FAM83B: variants seen among roughly 807,000 people sequenced by gnomAD.
The protein encoded by FAM83B is scaffolding CK1 anchoring protein B.
In FAM83B, 26 loss-of-function variants were observed where a neutral mutation model predicts 38.8. That is an observed-to-expected ratio of 0.67 (90% CI 0.49 to 0.93). The LOEUF is 0.93. Among genes scored for constraint, FAM83B ranks in the 40% least tolerant of loss-of-function variants. The pLI is 0.00. For missense variants in FAM83B, 1,237 were observed against 1,197.3 expected, an observed-to-expected ratio of 1.03 and a Z score of -0.49; for synonymous variants, 419 against 423.1, an observed-to-expected ratio of 0.99 and a Z score of 0.12.
Position 54,870,576 on chromosome 6 carries a change from T to C in FAM83B, c.330T>C (p.Tyr110=), listed in dbSNP as rs1481219514. The change falls in exon 2 of 5, where the codon TAT becomes TAC. Residue 110 remains tyrosine (Y), a synonymous_variant. Transcript: ENST00000306858. Reference sequence around the variant, plus strand: ...CAAATCTTGACTTAGGCTGGCCATATGTGATGCCCGGACTCTTAGGGGGCA... The same window carrying C: ...CAAATCTTGACTTAGGCTGGCCATACGTGATGCCCGGACTCTTAGGGGGCA... The part of the protein sequence containing the change: ...EAPNLDLGWP[Y]VMPGLLGGTH... The C allele has an allele frequency of 6.8e-6, 11 of 1,614,092 alleles. No individual in the cohort carries two copies. The highest frequency in any genetic ancestry group is 1.7e-5 in the Admixed American group (1 of 60,002).
chr6:54,933,990 C>T (rs1312737036), intron 4 of FAM83B, among the ~76,000 whole-genome samples: 3 of 152,122 alleles, frequency 2.0e-5, no homozygotes, highest in Non-Finnish European at 2.9e-5. Context: ...CCAAACATCA[C>T]AGGTTTTTCA....
intron 1 of FAM83B, among the ~76,000 whole-genome samples, chr6:54,851,621 C>T (rs1355610853): frequency 2.7e-5 from 4 of 149,078 alleles, no homozygotes; most frequent in South Asian, 2.1e-4. Context: ...TACAGGCAGG[C>T]GCTACCATGC....
chr6:54,851,698 A>G, intron 1 of FAM83B, among the ~76,000 whole-genome samples: 1 of 119,680 alleles, frequency 8.4e-6, no homozygotes. Context: ...CCCAGGCTGG[A>G]GTGCAGTGGC....
intron 2 of FAM83B, among the ~76,000 whole-genome samples, chr6:54,909,261 A>G (rs1391000664): frequency 3.9e-5 from 6 of 152,182 alleles, no homozygotes; most frequent in Non-Finnish European, 2.9e-5. Context: ...GTGTTCATGC[A>G]TAAAATATTA....
chr6:54,866,137 A>G (rs1258411797), intron 1 of FAM83B, among the ~76,000 whole-genome samples: 2 of 151,456 alleles, frequency 1.3e-5, no homozygotes, highest in Non-Finnish European at 2.9e-5. Context: ...ATAGTAATTG[A>G]TGAAGCAGAG....
intron 2 of FAM83B, among the ~76,000 whole-genome samples, chr6:54,914,201 T>C (rs565648456): frequency 9.9e-5 from 15 of 152,282 alleles, no homozygotes; most frequent in Non-Finnish European, 2.2e-4. Context: ...AATGGGTGTG[T>C]TCCTGTGAAC....
At chr6:54,846,718 A>T (rs1350777731), upstream of FAM83B, 1 of 152,170 alleles carries the variant, frequency 6.6e-6, no homozygotes, top group East Asian at 1.9e-4. Flanking sequence ...CTGGGCAGGT[A>T]ACTCCCCTCC....
At chr6:54,846,487 G>C (rs1771135319), upstream of FAM83B, among the ~76,000 whole-genome samples, 1 of 152,218 alleles carries the variant, frequency 6.6e-6, no homozygotes, top group Non-Finnish European at 1.5e-5. Context: ...CCGTAGCCCC[G>C]AGGGCGGGCA....
chr6:54,892,755 A>G (rs142725899), intron 2 of FAM83B, among the ~76,000 whole-genome samples: 3 of 151,380 alleles, frequency 2.0e-5, no homozygotes, highest in African/African-American at 7.3e-5. Flanking sequence ...TAAATGTTAC[A>G]TGTGATAATT....
intron 2 of FAM83B, among the ~76,000 whole-genome samples, chr6:54,916,291 A>G (rs943548767): frequency 6.6e-6 from 1 of 152,066 alleles, no homozygotes; most frequent in Non-Finnish European, 1.5e-5. Flanking sequence ...TTATATCACT[A>G]AAGTACAAAA....
At chr6:54,902,728 A>G (rs1772689537) in intron 2 of FAM83B, among the ~76,000 whole-genome samples, 1 of 150,726 alleles carries the variant, frequency 6.6e-6, no homozygotes, top group Non-Finnish European at 1.5e-5. Context: ...CCAGTACTCT[A>G]TTAGTGATCC....
At position 54,941,588 on chromosome 6, in the gene FAM83B, G is replaced by A; in HGVS notation, c.2617G>A (p.Val873Ile). 1 of 1,614,116 alleles carries A rather than the reference G, an allele frequency of 6.2e-7. No homozygotes were observed. The highest frequency in any genetic ancestry group is 8.5e-7 in the Non-Finnish European group (1 of 1,180,024). The part of the protein sequence containing the change: ...ENKRTPSPGP[V>I]ESKFLERAGD... ...TAAAAGAACACCTTCTCCAGGTCCA[G>A]TTGAAAGCAAGTTCTTGGAAAGGGC... Residue 873 changes from valine (V) to isoleucine (I), a missense_variant, in exon 5 of 5, where the codon GTT becomes ATT. Val to Ile is a conservative substitution (Grantham distance 29). Coordinates refer to ENST00000306858, the MANE Select transcript of FAM83B (RefSeq NM_001010872.3).
chr6:54,921,768 T>C (rs562132330), intron 2 of FAM83B, among the ~76,000 whole-genome samples: 97 of 152,152 alleles, frequency 6.4e-4, no homozygotes, highest in African/African-American at 2.2e-3. Flanking sequence ...TATATAGCCA[T>C]GTGGCCATGT....
rs566344329 is a variant in FAM83B at position 54,915,826 on chromosome 6, A to G, written c.445-10545A>G. ...AGACTCCGTCTCAAAAAAAAAAAAA[A>G]AAAAAAAAAAAGAAACTCACATTTC... On this transcript the variant is annotated intron_variant, in intron 2 of 4. Coordinates refer to ENST00000306858, the MANE Select transcript of FAM83B (RefSeq NM_001010872.3). 1.8e-3 allele frequency among the ~76,000 whole-genome samples: 158 copies of G among 89,806 alleles called. 18 individuals are homozygous for G. In the South Asian group the frequency reaches 0.03, roughly 17 times the overall value. 58.9% of individuals were successfully genotyped at this position (89,806 alleles called of 152,430 possible).
Position 54,944,347 on chromosome 6 carries a change from A to T in FAM83B, c.*2340A>T, listed in dbSNP as rs1773761473. The T allele has an allele frequency of 6.6e-6, 1 of 152,184 alleles. No homozygotes were observed. Among genetic ancestry groups the T allele is most frequent in the Non-Finnish European group, 1.5e-5 (1 of 68,028 alleles). The allele number at this position is 152,184 out of a possible 1,614,324, so 9.4% of individuals were successfully genotyped here. A position where few individuals can be genotyped will look rare whatever the true frequency, so the allele number is the denominator to read the frequency against. On this transcript the variant is annotated 3_prime_UTR_variant, in exon 5 of 5. Transcript: ENST00000306858. ...TGTACATTGATATTAAAGTTTGGTAATGCAGCTTTTACTGTCTACATGGTA... is the reference window on the plus strand; with the variant it reads ...TGTACATTGATATTAAAGTTTGGTATTGCAGCTTTTACTGTCTACATGGTA...
At chr6:54,851,908 A>G (rs1771306349) in intron 1 of FAM83B, among the ~76,000 whole-genome samples, 2 of 151,932 alleles carry the variant, frequency 1.3e-5, no homozygotes, top group South Asian at 4.2e-4. Flanking sequence ...CGGCCTCCCA[A>G]AGTGCTGGGA....
intron 2 of FAM83B, among the ~76,000 whole-genome samples, chr6:54,919,596 C>T (rs1212244929): frequency 6.6e-6 from 1 of 151,926 alleles, no homozygotes; most frequent in Non-Finnish European, 1.5e-5. Flanking sequence ...AGTGAGATCT[C>T]ATTATTTACA....
At chr6:54,918,617 A>G (rs1773099761) in intron 2 of FAM83B, among the ~76,000 whole-genome samples, 1 of 152,046 alleles carries the variant, frequency 6.6e-6, no homozygotes, top group African/African-American at 2.4e-5. Context: ...CTATCACAAG[A>G]ACAGCATGGA....
intron 1 of FAM83B, among the ~76,000 whole-genome samples, chr6:54,861,757 C>T (rs965565757): frequency 6.6e-6 from 1 of 152,204 alleles, no homozygotes; most frequent in East Asian, 1.9e-4. Flanking sequence ...TAATGAGATG[C>T]AGACAGACGG....
Sources: allele counts gnomAD v4.1 joint callset (sites outside exome capture counted in the v4.1 genomes callset), GRCh38; gene constraint gnomAD v4.1.1; transcripts MANE v1.5; gene names NCBI Gene and HGNC (gene_info 2026-07-23, HGNC 2026-07-21).